MID1: variants seen among roughly 807,000 people sequenced by gnomAD.
MID1 encodes E3 ubiquitin-protein ligase Midline-1.
In MID1, 7 loss-of-function variants were observed where a neutral mutation model predicts 40.4. That is an observed-to-expected ratio of 0.17 (90% CI 0.10 to 0.33). The LOEUF is 0.33. MID1 is among the 10% of genes least tolerant of loss of function. The pLI is 1.00. For missense variants in MID1, 367 were observed against 558.5 expected (o/e 0.66, Z 3.46); for synonymous variants, 229 against 221.2 (o/e 1.04, Z -0.31).
intron 1 of MID1, among the ~76,000 whole-genome samples, chrX:10,774,878 T>TGC (rs1341200827): frequency 9.0e-6 from 1 of 111,697 alleles, no homozygotes; most frequent in Admixed American, 9.6e-5. Context: ...GGCTTTTTAT[T>TGC]ATATCTAAGT....
chrX:10,610,453 A>G (rs1164909193), intron 1 of MID1, among the ~76,000 whole-genome samples: 2 of 111,750 alleles, frequency 1.8e-5, no homozygotes, highest in African/African-American at 6.5e-5. Flanking sequence ...TCATAGTGCA[A>G]TGATATGCAG....
chrX:10,686,407 G>C (rs1426250014), intron 1 of MID1, among the ~76,000 whole-genome samples: 2 of 111,418 alleles, frequency 1.8e-5, no homozygotes, highest in Admixed American at 1.9e-4. Context: ...CTCACTTCCA[G>C]GTTTACTGAG....
In MID1 at chrX:10,577,931, T is replaced by C. The variant is rs189316419; in HGVS notation, c.-56-10328A>G. 2.2e-4 allele frequency among the ~76,000 whole-genome samples: 25 copies of C among 111,587 alleles called. No homozygotes were observed. The East Asian group carries it at 4.7e-3, about 21-fold the overall frequency. On this transcript the variant is annotated intron_variant, in intron 1 of 9. Transcript: ENST00000317552. The stretch of plus-strand genomic sequence containing the variant: ...GTAAAGTAAATCATCAGGAAAGTGT[T>C]TAAAAAAAGAATCTTGCACAATTCA...
intron 2 of MID1, among the ~76,000 whole-genome samples, chrX:10,553,137 A>G (rs1933982790): frequency 9.1e-6 from 1 of 109,990 alleles, no homozygotes; most frequent in African/African-American, 3.3e-5. Flanking sequence ...AATCCCAGCT[A>G]CTCGGGAGCC....
At chrX:10,717,835 T>A (rs1351575469) in intron 1 of MID1, among the ~76,000 whole-genome samples, 2 of 111,426 alleles carry the variant, frequency 1.8e-5, no homozygotes, top group Non-Finnish European at 3.8e-5. Flanking sequence ...ACAGAAATTA[T>A]AACAAACTAT....
At chrX:10,675,022 TTAA>T (rs2043013357) in intron 1 of MID1, among the ~76,000 whole-genome samples, 22 of 112,452 alleles carry the variant, frequency 2.0e-4, no homozygotes, top group Admixed American at 1.9e-4. Flanking sequence ...AACCTATAGT[TTAA>T]ATAACCTGGT....
intron 1 of MID1, among the ~76,000 whole-genome samples, chrX:10,679,999 T>C (rs1054167446): frequency 1.1e-4 from 12 of 112,435 alleles, no homozygotes; most frequent in African/African-American, 3.9e-4. Flanking sequence ...AGAATAGCCA[T>C]GGCACTTAAA....
chrX:10,500,051 G>A (rs1384192207), intron 3 of MID1, among the ~76,000 whole-genome samples: 2 of 112,211 alleles, frequency 1.8e-5, no homozygotes, highest in African/African-American at 6.5e-5. Flanking sequence ...CAAATCTGAG[G>A]TACTGTTGTC....
Position 10,531,010 on chromosome X carries a change from T to C in MID1, c.661-7823A>G, listed in dbSNP as rs1602357070. Among the ~76,000 whole-genome samples, 3 of 111,939 alleles carry C rather than the reference T, an allele frequency of 2.7e-5. No individual in the cohort carries two copies. In the South Asian group the frequency reaches 1.1e-3, roughly 42 times the overall value. On this transcript the variant is annotated intron_variant, in intron 2 of 9. Transcript: ENST00000317552. ...TCAATACTTCAGAATGTCTTTAAAG[T>C]ACAATATTAGGTCTGGATACCTTTC... is the stretch of plus-strand genomic sequence containing the variant.
intron 2 of MID1, among the ~76,000 whole-genome samples, chrX:10,547,635 AGAAG>A (rs1184844098): frequency 4.7e-5 from 5 of 107,433 alleles, no homozygotes; most frequent in South Asian, 4.1e-4. Flanking sequence ...AGAGAAAGAA[AGAAG>A]GAAGGAAAGA....
intron 3 of MID1, among the ~76,000 whole-genome samples, chrX:10,519,054 T>A (rs904102774): frequency 1.8e-5 from 2 of 112,286 alleles, no homozygotes. Flanking sequence ...CAAGCCATAA[T>A]AATATTGCAT....
At chrX:10,493,395 G>A (rs1007026299) in intron 4 of MID1, among the ~76,000 whole-genome samples, 2 of 111,472 alleles carry the variant, frequency 1.8e-5, no homozygotes, top group Non-Finnish European at 3.8e-5. Flanking sequence ...CTTGACTGTC[G>A]ATTTTGTTTA....
At chrX:10,796,759 T>C (rs2147142724) in intron 1 of MID1, among the ~76,000 whole-genome samples, 1 of 110,611 alleles carries the variant, frequency 9.0e-6, no homozygotes, top group Non-Finnish European at 1.9e-5. Context: ...AAAGTCTGGG[T>C]TCCCCTTTCT....
chrX:10,612,929 A>G (rs750085196), intron 1 of MID1, among the ~76,000 whole-genome samples: 3 of 112,199 alleles, frequency 2.7e-5, no homozygotes, highest in Non-Finnish European at 5.6e-5. Context: ...ACGTCAACCC[A>G]GAAATGCTAA....
Position 10,482,621 on chromosome X carries a change from C to T in MID1, c.872G>A (p.Arg291Lys), listed in dbSNP as rs774294547. Residue 291 changes from arginine (R) to lysine (K), a missense_variant, in exon 5 of 10, where the codon AGG becomes AAG. Physicochemically the swap from Arg to Lys is conservative, Grantham distance 26. Around this residue, in one of 3 missense-constraint regions of MID1, gnomAD observed 275 missense variants for 383.1 expected, o/e 0.72. Transcript: ENST00000317552. ...GTKIKEGKVMRLRKLAQQIAN... is the reference protein window; with the variant it reads ...GTKIKEGKVMKLRKLAQQIAN... ...AATCTGCTGAGCCAGTTTGCGAAGC[C>T]TCATCACCTTGAACAAAAGAGGCAT... 1.8e-5 allele frequency: 22 copies of T among 1,210,225 alleles called. No individual in the cohort carries two copies. Among genetic ancestry groups the T allele is most frequent in the Non-Finnish European group, 2.3e-5 (21 of 895,221 alleles).
At chrX:10,632,571 C>T (rs927202107) in intron 1 of MID1, among the ~76,000 whole-genome samples, 2 of 110,854 alleles carry the variant, frequency 1.8e-5, no homozygotes, top group African/African-American at 6.6e-5. Flanking sequence ...TCAGAATCCC[C>T]TAGAGGGCTT....
intron 1 of MID1, among the ~76,000 whole-genome samples, chrX:10,581,224 G>A (rs1349011157): frequency 9.0e-6 from 1 of 111,530 alleles, no homozygotes; most frequent in Non-Finnish European, 1.9e-5. Flanking sequence ...ACTCCAGCCT[G>A]GGTGATAGAG....
intron 1 of MID1, among the ~76,000 whole-genome samples, chrX:10,594,242 A>G (rs917746478): frequency 9.0e-6 from 1 of 111,683 alleles, no homozygotes; most frequent in African/African-American, 3.3e-5. Flanking sequence ...TATATTTTAG[A>G]TCTCAATCTG....
chrX:10,517,763 A>G (rs1932522336), intron 3 of MID1, among the ~76,000 whole-genome samples: 1 of 110,982 alleles, frequency 9.0e-6, no homozygotes. Context: ...TGCTGCTTCC[A>G]TAAACTCAAA....
Sources: gnomAD v4.1 joint callset for allele counts (sites outside exome capture counted in the v4.1 genomes callset) on GRCh38, gnomAD v4.1.1 for gene constraint, gnomAD v4.1.1 regional missense constraint, MANE v1.5 for transcripts, NCBI Gene and HGNC (gene_info 2026-07-23, HGNC 2026-07-21) for gene names.